Variants in EIF4ENIF1 observed in about 807,000 individuals in gnomAD.
EIF4ENIF1 encodes eukaryotic translation initiation factor 4E transporter.
In EIF4ENIF1, 23 loss-of-function variants were observed where a neutral mutation model predicts 110.5. That is an observed-to-expected ratio of 0.21 (90% CI 0.15 to 0.29). The LOEUF is 0.29. EIF4ENIF1 is among the 10% of genes least tolerant of loss of function. EIF4ENIF1 has a pLI of 1.00. For missense variants in EIF4ENIF1, 1,031 were observed against 1,221.1 expected (o/e 0.84, Z 2.32); for synonymous variants, 440 against 437.0 (o/e 1.01, Z -0.09).
intron 18 of EIF4ENIF1, 115 bp downstream of exon 18, chr22:31,440,589 C>T: frequency 7.6e-7 from 1 of 1,320,752 alleles, no homozygotes; most frequent in Non-Finnish European, 1.0e-6. Context: ...TTGTCCCAAA[C>T]TTAGAACAAG....
intron 10 of EIF4ENIF1, among the ~76,000 whole-genome samples, chr22:31,452,219 A>T (rs945795357): frequency 6.6e-6 from 1 of 152,236 alleles, no homozygotes; most frequent in Admixed American, 6.5e-5. Flanking sequence ...AAACATACAC[A>T]GCAGTAGTAA....
intron 7 of EIF4ENIF1, among the ~76,000 whole-genome samples, chr22:31,456,275 G>A (rs553974157): frequency 4.8e-5 from 7 of 147,156 alleles, no homozygotes; most frequent in Non-Finnish European, 8.9e-5. Flanking sequence ...CCAGGCTGGA[G>A]TGCAGTGGCA....
At chr22:31,481,826 G>A (rs1172733398) in intron 2 of EIF4ENIF1, among the ~76,000 whole-genome samples, 1 of 152,152 alleles carries the variant, frequency 6.6e-6, no homozygotes, top group Non-Finnish European at 1.5e-5. Context: ...GATCCCTGGA[G>A]ACACTAATGA....
In EIF4ENIF1 at chr22:31,443,765, A is replaced by G. The variant is rs1048599515; in HGVS notation, c.2074-671T>C. 4.1e-5 allele frequency among the ~76,000 whole-genome samples: 6 copies of G among 148,042 alleles called. No individual in the cohort carries two copies. In the East Asian group the frequency reaches 1.0e-3, roughly 25 times the overall value. ...TTATTTTTTTTTTTCCTTCTTCTCT[A>G]TCGGCTTTGATTAGATGATAAAGAT... On this transcript the variant is annotated intron_variant, in intron 15 of 18. Coordinates refer to ENST00000330125, the MANE Select transcript of EIF4ENIF1 (RefSeq NM_019843.4).
chr22:31,453,145 T>C (rs2050722855), intron 10 of EIF4ENIF1, among the ~76,000 whole-genome samples: 1 of 152,182 alleles, frequency 6.6e-6, no homozygotes, highest in Admixed American at 6.5e-5. Context: ...CACATTAGTT[T>C]GTATCAAGAG....
chr22:31,457,360 C>T (rs1221563447), intron 7 of EIF4ENIF1, among the ~76,000 whole-genome samples: 1 of 152,164 alleles, frequency 6.6e-6, no homozygotes, highest in African/African-American at 2.4e-5. Context: ...TTTTTCAATT[C>T]AAATCATACC....
chr22:31,452,672 A>G (rs571879426), intron 10 of EIF4ENIF1, among the ~76,000 whole-genome samples: 2 of 152,360 alleles, frequency 1.3e-5, no homozygotes, highest in East Asian at 3.9e-4. Context: ...CCAAGACACA[A>G]ATGTAACGAG....
intron 4 of EIF4ENIF1, among the ~76,000 whole-genome samples, chr22:31,464,882 A>T (rs1653758684): frequency 6.6e-6 from 1 of 151,234 alleles, no homozygotes; most frequent in Admixed American, 6.6e-5. Context: ...TGATCCATTT[A>T]AAAAACACTG....
chr22:31,480,615 C>T (rs2051778648), intron 2 of EIF4ENIF1, among the ~76,000 whole-genome samples: 1 of 152,046 alleles, frequency 6.6e-6, no homozygotes, highest in South Asian at 2.1e-4. Context: ...ATTAGCCGGG[C>T]ATGGTGGCGT....
intron 10 of EIF4ENIF1, chr22:31,450,844 T>TAACAC (rs1555904270): frequency 8.3e-6 from 1 of 120,970 alleles, no homozygotes; most frequent in East Asian, 2.4e-4. Flanking sequence ...ATATATATAC[T>TAACAC]ACACACACAC....
upstream of EIF4ENIF1, among the ~76,000 whole-genome samples, chr22:31,492,111 G>C (rs1203048633): frequency 6.6e-6 from 1 of 152,118 alleles, no homozygotes; most frequent in Non-Finnish European, 1.5e-5. Context: ...GCTGTCCCTG[G>C]AACACTTACA....
rs114513710 is a variant in EIF4ENIF1 at position 31,484,949 on chromosome 22, T to C, written c.96+3674A>G. Among the ~76,000 whole-genome samples the C allele has an allele frequency of 3.7e-3, 560 of 152,332 alleles. 1 individual carries two copies. Among genetic ancestry groups the C allele is most frequent in the African/African-American group, 0.012 (497 of 41,566 alleles). ...ATTCCAGTACTTTGATCTCAGTACA[T>C]AGACAAGGAAGAAGGATGGTTTGAA... On this transcript the variant is annotated intron_variant, in intron 2 of 18. Coordinates refer to ENST00000330125, the MANE Select transcript of EIF4ENIF1 (RefSeq NM_019843.4).
chr22:31,450,803 CACAT>C (rs760581868), intron 10 of EIF4ENIF1: 51 of 204,648 alleles, frequency 2.5e-4, no homozygotes, highest in East Asian at 6.2e-4. Flanking sequence ...CATATACATA[CACAT>C]ACATATACAC....
At position 31,439,825 on chromosome 22, in the gene EIF4ENIF1, G is replaced by T; in HGVS notation, c.*55C>A. On this transcript the variant is annotated 3_prime_UTR_variant, in exon 19 of 19. Coordinates refer to ENST00000330125, the MANE Select transcript of EIF4ENIF1 (RefSeq NM_019843.4). ...ATAAACCAACCCGAGATGAAGCAGG[G>T]TCCTGCCCAGTGTGCCACCACAGGT... 6.3e-7 allele frequency: 1 copy of T among 1,595,626 alleles called. No individual in the cohort carries two copies.
At chr22:31,473,363 T>C (rs1267060912) in intron 2 of EIF4ENIF1, among the ~76,000 whole-genome samples, 3 of 152,190 alleles carry the variant, frequency 2.0e-5, no homozygotes, top group Non-Finnish European at 4.4e-5. Flanking sequence ...TTTTTATAAC[T>C]ACAACTATTG....
At chr22:31,448,039 A>G in intron 13 of EIF4ENIF1, 114 bp downstream of exon 13, 3 of 1,173,454 alleles carry the variant, frequency 2.6e-6, no homozygotes, top group Non-Finnish European at 3.8e-6. Context: ...ATGAGCCACT[A>G]TGCCTGGCCT....
At position 31,449,388 on chromosome 22, in the gene EIF4ENIF1, G is replaced by T; in HGVS notation, c.1728C>A (p.Ala576=). 1 of 1,614,120 alleles carries T rather than the reference G, an allele frequency of 6.2e-7. No homozygotes were observed. Among genetic ancestry groups the T allele is most frequent in the Non-Finnish European group, 8.5e-7 (1 of 1,180,016 alleles). ...TTCTTGGGCGAAGGTAGTCAGCTGAGGCTGCTCGAGTTTGAAACACCTGTG... is the reference window on the plus strand; with the variant it reads ...TTCTTGGGCGAAGGTAGTCAGCTGATGCTGCTCGAGTTTGAAACACCTGTG... ...PLSQVFQTRA[A]SADYLRPRIP... Residue 576 remains alanine, a synonymous_variant, in exon 12 of 19, where the codon GCC becomes GCA. Transcript: ENST00000330125.
chr22:31,453,297 G>A (rs1379069393), intron 10 of EIF4ENIF1: 2 of 340,998 alleles, frequency 5.9e-6, no homozygotes, highest in African/African-American at 4.4e-5. Context: ...ATGCCTACAA[G>A]TTTTGTTTTT....
chr22:31,488,743 C>G lies in EIF4ENIF1; in HGVS notation c.-25G>C. On this transcript the variant is annotated splice_region_variant and 5_prime_UTR_variant, in exon 2 of 19. Transcript: ENST00000330125. ...TGGCTCCTTGGTCTACAATGCTCTG[C>G]ACCTGGAAGATAAATCGGCACAAAA... 1 of 1,599,942 alleles carries G rather than the reference C, an allele frequency of 6.3e-7. No individual in the cohort carries two copies. Among genetic ancestry groups the G allele is most frequent in the Non-Finnish European group, 8.5e-7 (1 of 1,174,314 alleles).
Sources: gnomAD v4.1 joint callset for allele counts (sites outside exome capture counted in the v4.1 genomes callset) on GRCh38, gnomAD v4.1.1 for gene constraint, MANE v1.5 for transcripts, NCBI Gene and HGNC (gene_info 2026-07-23, HGNC 2026-07-21) for gene names.